FOXO1: variants seen among roughly 807,000 people sequenced by gnomAD.
The protein encoded by FOXO1 is forkhead box protein O1.
Under a neutral mutation model 44.1 loss-of-function variants are expected in FOXO1, and 6 were observed. That is an observed-to-expected ratio of 0.14 (90% CI 0.07 to 0.27). The LOEUF is 0.27. Among genes scored for constraint, FOXO1 ranks in the 10% least tolerant of loss-of-function variants. The pLI is 1.00. For missense variants in FOXO1, 737 were observed against 888.8 expected (o/e 0.83, Z 2.17); for synonymous variants, 380 against 362.7 (o/e 1.05, Z -0.54).
chr13:40,654,322 T>TAAAAAAAAAAAAAAAAAAAAAAAAAAA (rs11344939), intron 1 of FOXO1, among the ~76,000 whole-genome samples: 1 of 48,198 alleles, frequency 2.1e-5, no homozygotes, highest in African/African-American at 6.7e-5. Context: ...CTAAAAATAC[T>TAAAAAAAAAAAAAAAAAAAAAAAAAAA]AAAAAAAAAA....
At chr13:40,621,862 T>C (rs1449569229) in intron 1 of FOXO1, among the ~76,000 whole-genome samples, 4 of 152,228 alleles carry the variant, frequency 2.6e-5, no homozygotes, top group South Asian at 2.1e-4. Context: ...ATATCATATA[T>C]GTATAGTTAT....
At chr13:40,648,824 T>C (rs368956231) in intron 1 of FOXO1, among the ~76,000 whole-genome samples, 2 of 152,218 alleles carry the variant, frequency 1.3e-5, no homozygotes, top group South Asian at 2.1e-4. Flanking sequence ...TGATGAAAGA[T>C]AGAAGGGGCA....
At position 40,558,729 on chromosome 13, in the gene FOXO1, AGC is replaced by A; in HGVS notation, c.*318_*319del. The A allele has an allele frequency of 2.5e-6, 1 of 398,456 alleles. No homozygotes were observed. The highest frequency in any genetic ancestry group is 1.3e-4 in the South Asian group (1 of 7,526). The allele number at this position is 398,456 out of a possible 1,614,324, so 24.7% of individuals were successfully genotyped here. ...CTACTGCTTATATACAAAACTTGAAAGCACACCAGGATCTGAAAATCTTTTCT... is the reference window on the plus strand; with the variant it reads ...CTACTGCTTATATACAAAACTTGAAAACACCAGGATCTGAAAATCTTTTCT... On this transcript the variant is annotated 3_prime_UTR_variant, in exon 3 of 3. Coordinates refer to ENST00000379561, the MANE Select transcript of FOXO1 (RefSeq NM_002015.4).
intron 1 of FOXO1, among the ~76,000 whole-genome samples, chr13:40,640,801 G>GTTGTTGTT (rs1566082743): frequency 1.5e-5 from 2 of 136,568 alleles, no homozygotes; most frequent in African/African-American, 5.9e-5. Flanking sequence ...GTTGTTGTTT[G>GTTGTTGTT]AGACAGAGTT....
Position 40,573,146 on chromosome 13 carries a change from C to G in FOXO1, c.631-12286G>C, listed in dbSNP as rs1874607327. ...GGCCAAATTTCCACCCCAGTGGAAG[C>G]ACCTGTGCTGAGAGCTGCATGTTCA... On this transcript the variant is annotated intron_variant, in intron 1 of 2. Transcript: ENST00000379561. 2.6e-5 allele frequency among the ~76,000 whole-genome samples: 4 copies of G among 152,308 alleles called. No homozygotes were observed. The South Asian group carries it at 6.2e-4, about 24-fold the overall frequency.
chr13:40,663,061 C>T lies in FOXO1; in HGVS notation c.630+2522G>A, dbSNP rs936902791. On this transcript the variant is annotated intron_variant, in intron 1 of 2. Coordinates refer to ENST00000379561, the MANE Select transcript of FOXO1 (RefSeq NM_002015.4). ...TGTACTTGCTGCAATCAGACTTAAA[C>T]CAACTGACATTACACCTGAAACACT... Among the ~76,000 whole-genome samples the T allele has an allele frequency of 2.0e-5, 3 of 152,200 alleles. No homozygotes were observed. In the South Asian group the frequency reaches 6.2e-4, roughly 32 times the overall value.
chr13:40,576,306 C>A (rs1874740788), intron 1 of FOXO1, among the ~76,000 whole-genome samples: 1 of 152,126 alleles, frequency 6.6e-6, no homozygotes, highest in South Asian at 2.1e-4. Flanking sequence ...ATGCAACTCA[C>A]AGGACAGCCA....
intron 1 of FOXO1, among the ~76,000 whole-genome samples, chr13:40,610,008 T>C (rs1375106856): frequency 6.6e-6 from 1 of 152,184 alleles, no homozygotes; most frequent in Non-Finnish European, 1.5e-5. Context: ...ATTTAATGTA[T>C]TGATAAAGAA....
At chr13:40,590,339 G>A (rs544927636) in intron 1 of FOXO1, among the ~76,000 whole-genome samples, 5 of 152,270 alleles carry the variant, frequency 3.3e-5, no homozygotes, top group South Asian at 2.1e-4. Context: ...GCCAAATGCC[G>A]CAAACAGAAA....
chr13:40,561,390 G>A (rs1468950003), intron 1 of FOXO1, among the ~76,000 whole-genome samples: 1 of 150,012 alleles, frequency 6.7e-6, no homozygotes, highest in Admixed American at 6.6e-5. Flanking sequence ...TTAATTTAAT[G>A]AAGGGACAAA....
intron 1 of FOXO1, among the ~76,000 whole-genome samples, chr13:40,623,402 T>C (rs1435353961): frequency 6.6e-6 from 1 of 152,218 alleles, no homozygotes; most frequent in Non-Finnish European, 1.5e-5. Flanking sequence ...GACAGATCGG[T>C]AAACTTGCCA....
At chr13:40,637,133 T>C (rs1019235743) in intron 1 of FOXO1, among the ~76,000 whole-genome samples, 1 of 152,116 alleles carries the variant, frequency 6.6e-6, no homozygotes, top group East Asian at 1.9e-4. Context: ...CTGGTGGCAG[T>C]GGCAATTGAT....
At chr13:40,608,796 T>C (rs894251986) in intron 1 of FOXO1, among the ~76,000 whole-genome samples, 3 of 152,208 alleles carry the variant, frequency 2.0e-5, no homozygotes, top group African/African-American at 7.2e-5. Context: ...TGTTATCCTT[T>C]CAGTGTCACG....
chr13:40,576,129 A>G (rs1874732917), intron 1 of FOXO1, among the ~76,000 whole-genome samples: 2 of 152,346 alleles, frequency 1.3e-5, no homozygotes, highest in South Asian at 4.1e-4. Flanking sequence ...AATATGAGCT[A>G]TTAGTGTTTG....
At chr13:40,602,354 G>A (rs1014410913) in intron 1 of FOXO1, among the ~76,000 whole-genome samples, 1 of 152,040 alleles carries the variant, frequency 6.6e-6, no homozygotes, top group Admixed American at 6.6e-5. Flanking sequence ...AGGTATATGA[G>A]ATAACTAAAA....
chr13:40,584,096 G>C (rs12855780), intron 1 of FOXO1, among the ~76,000 whole-genome samples: 448 of 152,228 alleles, frequency 2.9e-3, no homozygotes, highest in Non-Finnish European at 4.7e-3. Flanking sequence ...ATGGGGAATG[G>C]CAGGTTGGTG....
chr13:40,629,124 G>A (rs951535303), intron 1 of FOXO1, among the ~76,000 whole-genome samples: 5 of 151,098 alleles, frequency 3.3e-5, no homozygotes, highest in Admixed American at 1.3e-4. Context: ...AAATGGCAAT[G>A]AATAGTTAAA....
chr13:40,630,953 C>G (rs1876942277), intron 1 of FOXO1, among the ~76,000 whole-genome samples: 1 of 152,082 alleles, frequency 6.6e-6, no homozygotes, highest in Non-Finnish European at 1.5e-5. Context: ...ATTTTCCCAC[C>G]CCAAAGAGGC....
At chr13:40,564,942 G>GTGTAGTC (rs1225984276) in intron 1 of FOXO1, among the ~76,000 whole-genome samples, 31 of 152,186 alleles carry the variant, frequency 2.0e-4, no homozygotes, top group Admixed American at 1.6e-3. Flanking sequence ...TCCACAGATG[G>GTGTAGTC]GGGAGTCGGG....
Sources: allele counts gnomAD v4.1 joint callset (sites outside exome capture counted in the v4.1 genomes callset), GRCh38; gene constraint gnomAD v4.1.1; transcripts MANE v1.5; gene names NCBI Gene and HGNC (gene_info 2026-07-23, HGNC 2026-07-21).